LIMCH1: variants seen among roughly 807,000 people sequenced by gnomAD.
LIMCH1 encodes the protein LIM and calponin homology domains 1.
A neutral mutation model predicts 176.5 loss-of-function variants in LIMCH1; 113 were observed. The ratio of observed to expected loss-of-function variants is 0.64; its 90% CI spans 0.55 to 0.75. LIMCH1 has a LOEUF of 0.75. Ranked by LOEUF, LIMCH1 falls within the 30% of genes least tolerant of loss-of-function variation. The probability of loss-of-function intolerance (pLI) is 0.00; values close to 1 mark genes in which losing one functional copy is unlikely to be tolerated. For synonymous variants in LIMCH1, 619 were observed against 645.9 expected (o/e 0.96, Z 0.63); for missense variants, 1,674 against 1,814.9 (o/e 0.92, Z 1.41).
At chr4:41,578,231 A>G (rs112746746) in intron 1 of LIMCH1, among the ~76,000 whole-genome samples, 2,762 of 152,282 alleles carry the variant, frequency 0.018, 78 homozygotes, top group African/African-American at 0.061. Flanking sequence ...AGCAAAGCAC[A>G]TCTTACATGG....
chr4:41,672,326 C>CACT (rs1448925581), intron 22 of LIMCH1, among the ~76,000 whole-genome samples: 1 of 151,392 alleles, frequency 6.6e-6, no homozygotes, highest in East Asian at 2.0e-4. Flanking sequence ...GCCAAGATCA[C>CACT]ACTACTGCAC....
chr4:41,672,069 A>C (rs1287501061), intron 22 of LIMCH1, among the ~76,000 whole-genome samples: 3 of 152,104 alleles, frequency 2.0e-5, no homozygotes, highest in Admixed American at 2.0e-4. Context: ...TCTAAGAGGC[A>C]ATTAAAATGA....
chr4:41,366,256 C>T (rs2052962071), intron 1 of LIMCH1, among the ~76,000 whole-genome samples: 1 of 152,100 alleles, frequency 6.6e-6, no homozygotes, highest in South Asian at 2.1e-4. Flanking sequence ...GTACAGTTGG[C>T]CCCTCGAAGT....
At chr4:41,375,626 C>T (rs1243266380) in intron 1 of LIMCH1, among the ~76,000 whole-genome samples, 5 of 152,182 alleles carry the variant, frequency 3.3e-5, no homozygotes, top group Non-Finnish European at 7.3e-5. Flanking sequence ...CAAAACCATG[C>T]AGTTGCTGTT....
chr4:41,378,050 T>A (rs1308329266), intron 1 of LIMCH1, among the ~76,000 whole-genome samples: 1 of 152,114 alleles, frequency 6.6e-6, no homozygotes, highest in Non-Finnish European at 1.5e-5. Flanking sequence ...GCAAGCATTG[T>A]CAGTTGGATG....
intron 14 of LIMCH1, among the ~76,000 whole-genome samples, chr4:41,642,781 G>A (rs2093888507): frequency 7.4e-6 from 1 of 134,246 alleles, no homozygotes; most frequent in East Asian, 2.1e-4. Flanking sequence ...GTTTCACCAT[G>A]TTGGCCAGGC....
At chr4:41,503,963 C>T (rs1020872156) in intron 2 of LIMCH1, among the ~76,000 whole-genome samples, 4 of 152,122 alleles carry the variant, frequency 2.6e-5, no homozygotes, top group Non-Finnish European at 4.4e-5. Flanking sequence ...CTTGGAGTTG[C>T]GAGAGAGACC....
intron 1 of LIMCH1, among the ~76,000 whole-genome samples, chr4:41,584,319 T>C (rs894186165): frequency 1.3e-5 from 2 of 152,202 alleles, no homozygotes; most frequent in Non-Finnish European, 2.9e-5. Context: ...GGATTGAAAG[T>C]TGGGTTTTAG....
At chr4:41,609,734 A>T (rs2091202975) in intron 4 of LIMCH1, 2 of 445,942 alleles carry the variant, frequency 4.5e-6, no homozygotes, top group Admixed American at 2.4e-5. Flanking sequence ...AGAGTAACTC[A>T]GTAGCAGTTA....
chr4:41,625,604 C>G (rs28558244), intron 7 of LIMCH1, among the ~76,000 whole-genome samples: 7 of 151,964 alleles, frequency 4.6e-5, no homozygotes, highest in Non-Finnish European at 1.0e-4. Context: ...GCCAATGATA[C>G]GGAAACTTTC....
chr4:41,460,233 A>C (rs1039992522), intron 1 of LIMCH1, among the ~76,000 whole-genome samples: 1 of 152,014 alleles, frequency 6.6e-6, no homozygotes, highest in African/African-American at 2.4e-5. Flanking sequence ...TTGAATTAAA[A>C]ATTCAGTTTC....
At chr4:41,486,977 T>TAC (rs71927545) in intron 1 of LIMCH1, among the ~76,000 whole-genome samples, 27,783 of 138,370 alleles carry the variant, frequency 0.2, 3,151 homozygotes, top group African/African-American at 0.32. Context: ...CACACATACA[T>TAC]ACACACACAC....
intron 6 of LIMCH1, chr4:41,619,825 T>C: frequency 4.3e-6 from 1 of 231,820 alleles, no homozygotes; most frequent in South Asian, 9.1e-5. Flanking sequence ...GTTTTAAAAC[T>C]CTAGGCTTAA....
At chr4:41,620,084 A>G (rs2092448488) in intron 6 of LIMCH1, 1 of 228,436 alleles carries the variant, frequency 4.4e-6, no homozygotes, top group Non-Finnish European at 8.6e-6. Flanking sequence ...CAATAAAATA[A>G]ACTTGTCTAA....
intron 18 of LIMCH1, among the ~76,000 whole-genome samples, chr4:41,657,177 C>A (rs1030088869): frequency 6.6e-6 from 1 of 152,226 alleles, no homozygotes; most frequent in East Asian, 1.9e-4. Context: ...CATTCATTCA[C>A]GTCCAGGGAT....
chr4:41,387,145 C>A (rs1328301502), intron 1 of LIMCH1, among the ~76,000 whole-genome samples: 1 of 152,064 alleles, frequency 6.6e-6, no homozygotes, highest in Non-Finnish European at 1.5e-5. Context: ...TAAAGTTAAA[C>A]AATATTTATT....
Position 41,631,146 on chromosome 4 carries a change from AG to A in LIMCH1, c.1273del. ...TTAGAACTTATTTCTGGTTTTGACT[AG>A]GGATGGAGATGTTCAGCACATCTGT... On this transcript the variant is annotated splice_acceptor_variant, in intron 9 of 31. Transcript: ENST00000503057. LOFTEE classifies it high-confidence loss of function. 2.0e-6 allele frequency: 3 copies of A among 1,504,128 alleles called. No individual in the cohort carries two copies. The highest frequency in any genetic ancestry group is 2.6e-6 in the Non-Finnish European group (3 of 1,133,178). The allele number at this position is 1,504,128 out of a possible 1,614,324, so 93.2% of individuals were successfully genotyped here. A position where few individuals can be genotyped will look rare whatever the true frequency, so the allele number is the denominator to read the frequency against.
Position 41,389,785 on chromosome 4 carries a change from A to G in LIMCH1, c.96+28849A>G, listed in dbSNP as rs57614900. Among the ~76,000 whole-genome samples, 629 of 152,330 alleles carry G rather than the reference A, an allele frequency of 4.1e-3. 5 individuals carry two copies. The highest frequency in any genetic ancestry group is 0.014 in the African/African-American group (593 of 41,570). ...CTGTTTTCAATGATCTTCCTAGATC[A>G]TTGGCTAGTCAGGTTGGAAACCACT... On this transcript the variant is annotated intron_variant, in intron 1 of 26. Transcript: ENST00000313860.
At chr4:41,553,725 G>A (rs760220711) in intron 1 of LIMCH1, among the ~76,000 whole-genome samples, 1 of 152,130 alleles carries the variant, frequency 6.6e-6, no homozygotes, top group African/African-American at 2.4e-5. Flanking sequence ...TTCATGGTGC[G>A]CTGGTGGTGA....
Sources: gnomAD v4.1 joint callset for allele counts (sites outside exome capture counted in the v4.1 genomes callset) on GRCh38, gnomAD v4.1.1 for gene constraint, MANE v1.5 for transcripts, NCBI Gene and HGNC (gene_info 2026-07-23, HGNC 2026-07-21) for gene names.